The following ZC3H15 variants were observed in gnomAD, a reference collection of about 807,000 sequenced individuals.
ZC3H15 encodes zinc finger CCCH domain-containing protein 15.
Under a neutral mutation model 51.2 loss-of-function variants are expected in ZC3H15, and 15 were observed. The ratio of observed to expected loss-of-function variants is 0.29; its 90% CI spans 0.20 to 0.45. The LOEUF (loss-of-function observed/expected upper bound fraction) is 0.45, where lower values mean the gene tolerates loss of function less well. Ranked by LOEUF, ZC3H15 falls within the 20% of genes least tolerant of loss-of-function variation. ZC3H15 has a pLI of 1.00. For missense variants in ZC3H15, 381 were observed against 494.7 expected (o/e 0.77, Z 2.18); for synonymous variants, 144 against 162.8 (o/e 0.88, Z 0.88).
At chr2:186,502,300 A>T (rs890443326) in intron 4 of ZC3H15, among the ~76,000 whole-genome samples, 196 bp from the exon 5 acceptor site, 1 of 151,996 alleles carries the variant, frequency 6.6e-6, no homozygotes, top group Non-Finnish European at 1.5e-5. Flanking sequence ...TGATTGAGGG[A>T]GGTTAGGGCT....
intron 2 of ZC3H15, among the ~76,000 whole-genome samples, chr2:186,495,959 T>C (rs1260501531): frequency 1.3e-5 from 2 of 152,224 alleles, no homozygotes; most frequent in East Asian, 3.8e-4. Flanking sequence ...ACTTCCCTAT[T>C]GAAATTATTT....
intron 9 of ZC3H15, 52 bp from the exon 10 acceptor site, chr2:186,508,491 G>T: frequency 6.6e-7 from 1 of 1,519,214 alleles, no homozygotes; most frequent in East Asian, 2.3e-5. Context: ...TTGCTAATGT[G>T]GAATGGTGTT....
At chr2:186,497,431 C>A (rs6741184) in intron 2 of ZC3H15, among the ~76,000 whole-genome samples, 100,713 of 151,952 alleles carry the variant, frequency 0.66, 33,684 homozygotes, top group Non-Finnish European at 0.71. Flanking sequence ...CGCCTGTAAT[C>A]CCAGCACTTT....
At chr2:186,508,005 T>C (rs1359106867) in intron 9 of ZC3H15, among the ~76,000 whole-genome samples, 3 of 152,228 alleles carry the variant, frequency 2.0e-5, no homozygotes, top group Admixed American at 6.5e-5. Context: ...GCATTTTTTT[T>C]CTCTCAGTTA....
chr2:186,504,161 A>AAGAAAGAAG lies in ZC3H15; in HGVS notation c.675_683dup (p.Glu225_Glu227dup). On this transcript the variant is annotated inframe_insertion, in exon 6 of 10. Coordinates refer to ENST00000337859, the MANE Select transcript of ZC3H15 (RefSeq NM_018471.3). ...TGGATTTGTGTTGAAAAAAGATAAA[A>AAGAAAGAAG]AGAAAGAAGAGAAAGAAGATGAAAT... 2 of 1,610,530 alleles carry AAGAAAGAAG rather than the reference A, an allele frequency of 1.2e-6. No homozygotes were observed. The highest frequency in any genetic ancestry group is 1.3e-5 in the African/African-American group (1 of 74,926).
Position 186,490,544 on chromosome 2 carries a change from C to A in ZC3H15, c.75+4087C>A, listed in dbSNP as rs533941438. 2.6e-5 allele frequency among the ~76,000 whole-genome samples: 4 copies of A among 152,254 alleles called. No homozygotes were observed. In the South Asian group the frequency reaches 8.3e-4, roughly 32 times the overall value. On this transcript the variant is annotated intron_variant, in intron 1 of 9. Transcript: ENST00000337859. ...GCATAATATATATTGCATGGATGGA[C>A]AACAAGAATACATTAGTGCATTTGG...
chr2:186,490,171 G>A (rs950501404), intron 1 of ZC3H15, among the ~76,000 whole-genome samples: 2 of 151,814 alleles, frequency 1.3e-5, no homozygotes, highest in African/African-American at 4.8e-5. Context: ...AATACTTTCC[G>A]AAATGAATAT....
At chr2:186,502,439 T>C (rs1574426242) in intron 4 of ZC3H15, 57 bp from the exon 5 acceptor site, 4 of 1,376,756 alleles carry the variant, frequency 2.9e-6, no homozygotes, top group East Asian at 2.4e-5. Flanking sequence ...TAAGGAGATA[T>C]GTGTTGTGGG....
At position 186,495,493 on chromosome 2, in the gene ZC3H15, G is replaced by A. The variant is rs183258643; in HGVS notation, c.177+159G>A. ...GCCTTCCTTACCAGCAGTACCTCTT[G>A]GATATTGTCCAAGCCATTTTGATAT... On this transcript the variant is annotated intron_variant, in intron 2 of 9. Coordinates refer to ENST00000337859, the MANE Select transcript of ZC3H15 (RefSeq NM_018471.3). Among the ~76,000 whole-genome samples the A allele has an allele frequency of 2.1e-3, 319 of 152,214 alleles. 1 individual carries two copies. Among genetic ancestry groups the A allele is most frequent in the African/African-American group, 7.4e-3 (306 of 41,524 alleles).
intron 1 of ZC3H15, among the ~76,000 whole-genome samples, chr2:186,493,451 T>G (rs944171489): frequency 2.0e-5 from 3 of 152,142 alleles, no homozygotes; most frequent in African/African-American, 7.2e-5. Context: ...AGCTGGAGGA[T>G]CTTTCTCCAG....
chr2:186,507,816 A>T (rs2105595535), intron 9 of ZC3H15, among the ~76,000 whole-genome samples: 1 of 152,346 alleles, frequency 6.6e-6, no homozygotes, highest in African/African-American at 2.4e-5. Context: ...CAGTATTCAG[A>T]TTGACTTGCT....
In ZC3H15 at chr2:186,505,615, C is replaced by A; in HGVS notation, c.864+18C>A. 1 of 1,598,674 alleles carries A rather than the reference C, an allele frequency of 6.3e-7. No homozygotes were observed. The highest frequency in any genetic ancestry group is 1.1e-5 in the South Asian group (1 of 89,242). The stretch of plus-strand genomic sequence containing the variant: ...CACTAGTGGTATGTCTCAGGCTCAC[C>A]CAAACTGATTCTTTATTCTTCCATT... On this transcript the variant is annotated intron_variant, in intron 7 of 9. Transcript: ENST00000337859.
intron 1 of ZC3H15, among the ~76,000 whole-genome samples, chr2:186,491,692 C>T (rs543377319): frequency 4.0e-4 from 61 of 152,262 alleles, no homozygotes; most frequent in Non-Finnish European, 1.6e-4. Context: ...ACTATACAGC[C>T]AGCCCCTTAT....
chr2:186,490,888 G>T (rs980400933), intron 1 of ZC3H15, among the ~76,000 whole-genome samples: 1 of 152,162 alleles, frequency 6.6e-6, no homozygotes, highest in African/African-American at 2.4e-5. Context: ...TAAACACGCA[G>T]TTCCTTTACT....
intron 3 of ZC3H15, among the ~76,000 whole-genome samples, chr2:186,500,894 C>T (rs1386913285): frequency 6.6e-6 from 1 of 151,998 alleles, no homozygotes; most frequent in Non-Finnish European, 1.5e-5. Flanking sequence ...AGGATGGGCT[C>T]GATCTCCTGA....
intron 1 of ZC3H15, among the ~76,000 whole-genome samples, chr2:186,491,986 C>T (rs1427375358): frequency 2.0e-5 from 3 of 151,902 alleles, no homozygotes; most frequent in Non-Finnish European, 2.9e-5. Flanking sequence ...AGTTTATACA[C>T]CTTTACCAGA....
chr2:186,502,218 T>C (rs938359450), intron 4 of ZC3H15, among the ~76,000 whole-genome samples: 9 of 151,690 alleles, frequency 5.9e-5, no homozygotes, highest in Non-Finnish European at 1.0e-4. Context: ...AGGCATTGTG[T>C]TGCATACCTG....
chr2:186,506,501 C>T (rs1005288340), intron 8 of ZC3H15, among the ~76,000 whole-genome samples: 1 of 148,614 alleles, frequency 6.7e-6, no homozygotes, highest in Non-Finnish European at 1.5e-5. Context: ...CTTTGTTGCT[C>T]AGGCTGGTCT....
At chr2:186,496,357 A>G (rs1392132678) in intron 2 of ZC3H15, among the ~76,000 whole-genome samples, 1 of 152,226 alleles carries the variant, frequency 6.6e-6, no homozygotes, top group Non-Finnish European at 1.5e-5. Flanking sequence ...AGCTGGGACT[A>G]CAGGCGCATG....
Sources: allele counts gnomAD v4.1 joint callset (sites outside exome capture counted in the v4.1 genomes callset), GRCh38; gene constraint gnomAD v4.1.1; transcripts MANE v1.5; gene names NCBI Gene and HGNC (gene_info 2026-07-23, HGNC 2026-07-21).